CABP1: variants seen among roughly 807,000 people sequenced by gnomAD.
The protein encoded by CABP1 is calcium binding protein 1.
In CABP1, 17 loss-of-function variants were observed where a neutral mutation model predicts 34.3. The ratio of observed to expected loss-of-function variants is 0.50; its 90% CI spans 0.34 to 0.74. The LOEUF is 0.74. Ranked by LOEUF, CABP1 falls within the 30% of genes least tolerant of loss-of-function variation. The pLI, the probability that CABP1 is intolerant of heterozygous loss-of-function variation, is 0.01. For missense variants in CABP1, 373 were observed against 511.1 expected (o/e 0.73, Z 2.61); for synonymous variants, 198 against 229.2 (o/e 0.86, Z 1.23).
chr12:120,661,450 A>T lies in CABP1; in HGVS notation c.1087+232A>T. 2.0e-6 allele frequency: 1 copy of T among 498,770 alleles called. No individual in the cohort carries two copies. Among genetic ancestry groups the T allele is most frequent in the Non-Finnish European group, 3.6e-6 (1 of 280,628 alleles). 30.9% of individuals were successfully genotyped at this position (498,770 alleles called of 1,614,324 possible). A position where few individuals can be genotyped will look rare whatever the true frequency, so the allele number is the denominator to read the frequency against. On this transcript the variant is annotated intron_variant, in intron 5 of 5. Transcript: ENST00000316803. The surrounding 1 kb of genome is among the most constrained non-coding windows in gnomAD (Gnocchi z 5.1). ...CTATCCATCCTCTACCTTTCCATTCATCTGTCCATTTATCCATCCATTCAT... is the reference window on the plus strand; with the variant it reads ...CTATCCATCCTCTACCTTTCCATTCTTCTGTCCATTTATCCATCCATTCAT...
chr12:120,660,381 C>A lies in CABP1; in HGVS notation c.829+42C>A, dbSNP rs377392438. 6.3e-7 allele frequency: 1 copy of A among 1,589,630 alleles called. No homozygotes were observed. The highest frequency in any genetic ancestry group is 8.6e-7 in the Non-Finnish European group (1 of 1,169,152). ...GGCATCTGCGTCCCTTCGGTCCTCA[C>A]CCTTGCCGTCCTCTGCAGTCAGACA... On this transcript the variant is annotated intron_variant, in intron 3 of 5. Transcript: ENST00000316803. The surrounding 1 kb of genome is among the most constrained non-coding windows in gnomAD (Gnocchi z 5.0).
At chr12:120,676,219 T>A in the CABP1 span, among the ~76,000 whole-genome samples, 2 of 152,156 alleles carry the variant, frequency 1.3e-5, no homozygotes, top group Non-Finnish European at 2.9e-5. Context: ...GACATACCAG[T>A]CACATATCAC....
chr12:120,664,206 C>T (rs1336017370), intron 5 of CABP1, among the ~76,000 whole-genome samples: 4 of 152,092 alleles, frequency 2.6e-5, no homozygotes, highest in African/African-American at 4.8e-5. Context: ...GTCTCTGCCT[C>T]GAAGAGCTCA....
At chr12:120,649,953 AG>A (rs1879735651) in intron 1 of CABP1, 1 of 151,924 alleles carries the variant, frequency 6.6e-6, no homozygotes, top group East Asian at 1.9e-4. Context: ...GCTCTTTGGA[AG>A]GGGCATTCAT....
In CABP1 at chr12:120,660,875, A is replaced by G. The variant is rs368236303; in HGVS notation, c.939+35A>G. ...AGAGGCAGGCAGGCATGGGGCGGCT[A>G]TTGGAATCCTATCTGCAGTATAAAT... On this transcript the variant is annotated intron_variant, in intron 4 of 5. Coordinates refer to ENST00000316803, the MANE Select transcript of CABP1 (RefSeq NM_001033677.2). The surrounding 1 kb of genome is among the most constrained non-coding windows in gnomAD (Gnocchi z 5.0). The G allele has an allele frequency of 2.7e-4, 399 of 1,503,950 alleles. No individual in the cohort carries two copies. The highest frequency in any genetic ancestry group is 1.2e-3 in the Middle Eastern group (7 of 5,884). 93.2% of individuals were successfully genotyped at this position (1,503,950 alleles called of 1,614,324 possible).
chr12:120,674,716 C>T, the CABP1 span, among the ~76,000 whole-genome samples: 12 of 152,028 alleles, frequency 7.9e-5, no homozygotes, highest in African/African-American at 2.7e-4. Flanking sequence ...GGTGAAACCC[C>T]GTCTCTACTA....
chr12:120,660,613 T>C lies in CABP1; in HGVS notation c.830-118T>C. 1 of 772,282 alleles carries C rather than the reference T, an allele frequency of 1.3e-6. No individual in the cohort carries two copies. The highest frequency in any genetic ancestry group is 2.3e-6 in the Non-Finnish European group (1 of 444,204). 47.8% of individuals were successfully genotyped at this position (772,282 alleles called of 1,614,324 possible). A position where few individuals can be genotyped will look rare whatever the true frequency, so the allele number is the denominator to read the frequency against. On this transcript the variant is annotated intron_variant, in intron 3 of 5. Transcript: ENST00000316803. The surrounding 1 kb of genome is among the most constrained non-coding windows in gnomAD (Gnocchi z 5.0). Reference sequence around the variant, plus strand: ...CTGAACAGAGGGCTCTTGTTATTATTAAGTTTGTCTCTATCTGATGAGCAG... The same window carrying C: ...CTGAACAGAGGGCTCTTGTTATTATCAAGTTTGTCTCTATCTGATGAGCAG...
At chr12:120,677,079 T>G in the CABP1 span, among the ~76,000 whole-genome samples, 19 of 144,716 alleles carry the variant, frequency 1.3e-4, no homozygotes, top group African/African-American at 4.6e-4. Context: ...CTCTTGAAGT[T>G]TGTGGTTTTT....
chr12:120,671,773 AG>A (rs1322174477), downstream of CABP1, among the ~76,000 whole-genome samples: 1 of 152,266 alleles, frequency 6.6e-6, no homozygotes, highest in Non-Finnish European at 1.5e-5. Flanking sequence ...CTGATCAAAA[AG>A]CAGAGAGCTA....
In CABP1 at chr12:120,656,267, C is replaced by A. The variant is rs775397575; in HGVS notation, c.655-3611C>A. ...GCGCAAGGGCTTCGCTGAGAACAGG[C>A]AGCCTGTACGTAAGTTGGCCCAGTG... On this transcript the variant is annotated intron_variant, in intron 1 of 5. Transcript: ENST00000316803. 4 of 1,552,334 alleles carry A rather than the reference C, an allele frequency of 2.6e-6. No homozygotes were observed. The East Asian group carries it at 9.1e-5, about 35-fold the overall frequency.
intron 1 of CABP1, among the ~76,000 whole-genome samples, chr12:120,647,811 A>AG (rs1879620411): frequency 1.4e-5 from 2 of 144,582 alleles, no homozygotes; most frequent in African/African-American, 2.6e-5. Context: ...CGAACTCCTG[A>AG]CCTCAGGTGA....
Position 120,666,910 on chromosome 12 carries a change from G to T in CABP1, c.*10G>T. 2 of 1,602,530 alleles carry T rather than the reference G, an allele frequency of 1.2e-6. No homozygotes were observed. Among genetic ancestry groups the T allele is most frequent in the Non-Finnish European group, 1.7e-6 (2 of 1,178,210 alleles). On this transcript the variant is annotated 3_prime_UTR_variant, in exon 6 of 6. Transcript: ENST00000316803. ...GATGATGTCCCGCTGAGGCCGCGAG[G>T]GCCCCTCCAGGACTGCCAAGCTCCC...
At chr12:120,658,255 G>C (rs1880377144) in intron 1 of CABP1, among the ~76,000 whole-genome samples, 1 of 151,952 alleles carries the variant, frequency 6.6e-6, no homozygotes, top group Non-Finnish European at 1.5e-5. Context: ...CACCATGCTT[G>C]GCTAACTAAA....
At chr12:120,665,974 C>T (rs1473259721) in intron 5 of CABP1, among the ~76,000 whole-genome samples, 4 of 147,282 alleles carry the variant, frequency 2.7e-5, no homozygotes, top group Middle Eastern at 3.8e-3. Flanking sequence ...GCCAAGATCA[C>T]GCCACTGCAC....
intron 1 of CABP1, chr12:120,650,475 A>G: frequency 1.3e-6 from 2 of 1,492,198 alleles, no homozygotes; most frequent in Non-Finnish European, 1.8e-6. Context: ...GCAGACGAGT[A>G]AGAGAGCACG....
intron 1 of CABP1, chr12:120,655,498 A>T (rs1151872): frequency 9.1e-7 from 1 of 1,097,020 alleles, no homozygotes. Flanking sequence ...TGCCTGCTTC[A>T]TTTATGTCAG....
chr12:120,648,691 T>C (rs545702654), intron 1 of CABP1, among the ~76,000 whole-genome samples: 2 of 151,860 alleles, frequency 1.3e-5, no homozygotes, highest in South Asian at 4.2e-4. Context: ...GAGTAGCCTG[T>C]TCAACATGGT....
At chr12:120,665,471 CA>C (rs1880910337) in intron 5 of CABP1, among the ~76,000 whole-genome samples, 1 of 152,016 alleles carries the variant, frequency 6.6e-6, no homozygotes, top group Admixed American at 6.6e-5. Context: ...TATGATACAA[CA>C]GCAGAGGATG....
intron 1 of CABP1, 200 bp from the exon 2 acceptor site, chr12:120,659,678 T>G (rs1318617681): frequency 3.9e-6 from 2 of 518,364 alleles, no homozygotes; most frequent in East Asian, 6.5e-5. Flanking sequence ...GCATCTCCTG[T>G]TAGGGGCCCA....
Sources: gnomAD v4.1 joint callset for allele counts (sites outside exome capture counted in the v4.1 genomes callset) on GRCh38, gnomAD v4.1.1 for gene constraint, Gnocchi (gnomAD v3.1) non-coding constraint, MANE v1.5 for transcripts, NCBI Gene and HGNC (gene_info 2026-07-23, HGNC 2026-07-21) for gene names.